GSE1: variants seen among roughly 807,000 people sequenced by gnomAD.
GSE1 encodes the protein Gse1 coiled-coil protein.
A neutral mutation model predicts 112.6 loss-of-function variants in GSE1; 32 were observed. The ratio of observed to expected loss-of-function variants is 0.28; its 90% CI spans 0.21 to 0.38. The LOEUF is 0.38. GSE1 is among the 10% of genes least tolerant of loss of function. GSE1 has a pLI of 1.00. For missense variants in GSE1, 2,348 were observed against 1,699.2 expected, an observed-to-expected ratio of 1.38 and a Z score of -6.71; for synonymous variants, 1,115 against 735.6, an observed-to-expected ratio of 1.52 and a Z score of -8.35.
At chr16:85,638,755 T>G (rs530786475) in intron 2 of GSE1, among the ~76,000 whole-genome samples, 4 of 124,174 alleles carry the variant, frequency 3.2e-5, no homozygotes, top group African/African-American at 1.2e-4. Flanking sequence ...CTCCACCCAC[T>G]GCCACCCCTT....
intron 2 of GSE1, among the ~76,000 whole-genome samples, chr16:85,417,759 C>G (rs145738055): frequency 6.6e-6 from 1 of 152,248 alleles, no homozygotes; most frequent in Non-Finnish European, 1.5e-5. Flanking sequence ...CGTCGCAGGA[C>G]GTGTTACAGT....
At chr16:85,356,451 C>A (rs2046953213) in intron 1 of GSE1, among the ~76,000 whole-genome samples, 1 of 152,184 alleles carries the variant, frequency 6.6e-6, no homozygotes, top group Admixed American at 6.5e-5. Context: ...AGGGTCCCAC[C>A]AGTTCTGTGC....
At position 85,613,349 on chromosome 16, in the gene GSE1, G is replaced by A. The variant is rs903085409; in HGVS notation, c.-43G>A. ...TTTAGACAAACACTGGGCGACGGTGGCTCCAGCATGTATCAGCCGAGGTGG... is the reference window on the plus strand; with the variant it reads ...TTTAGACAAACACTGGGCGACGGTGACTCCAGCATGTATCAGCCGAGGTGG... On this transcript the variant is annotated 5_prime_UTR_variant, in exon 1 of 16. Coordinates refer to ENST00000253458, the MANE Select transcript of GSE1 (RefSeq NM_014615.5). The A allele has an allele frequency of 1.9e-6, 3 of 1,565,388 alleles. No homozygotes were observed. Among genetic ancestry groups the A allele is most frequent in the Non-Finnish European group, 2.6e-6 (3 of 1,155,868 alleles).
At chr16:85,196,471 G>A (rs576289032) in intron 1 of GSE1, among the ~76,000 whole-genome samples, 1 of 152,162 alleles carries the variant, frequency 6.6e-6, no homozygotes, top group Non-Finnish European at 1.5e-5. Context: ...CACAATGAGT[G>A]TGTGTGACTT....
At chr16:85,396,563 C>T (rs901916525) in intron 2 of GSE1, among the ~76,000 whole-genome samples, 1 of 152,264 alleles carries the variant, frequency 6.6e-6, no homozygotes, top group Non-Finnish European at 1.5e-5. Context: ...AGGCAGCTGC[C>T]CACCACCTGG....
chr16:85,672,278 A>C (rs560241764), intron 15 of GSE1, 127 bp from the exon 16 acceptor site: 202 of 702,070 alleles, frequency 2.9e-4, no homozygotes, highest in Admixed American at 1.1e-3. Flanking sequence ...TACAGGCGTG[A>C]GCCACCACGC....
intron 1 of GSE1, among the ~76,000 whole-genome samples, chr16:85,238,762 G>C (rs76987637): frequency 0.011 from 1,729 of 152,216 alleles, 27 homozygotes; most frequent in African/African-American, 0.04. Context: ...GTCAGGATAG[G>C]GGGGCTCCTG....
At chr16:85,434,025 C>G (rs1027262288) in intron 2 of GSE1, among the ~76,000 whole-genome samples, 16 of 152,132 alleles carry the variant, frequency 1.1e-4, no homozygotes, top group African/African-American at 3.9e-4. Context: ...GGGCACAACC[C>G]AAACCTGAGG....
At chr16:85,630,462 C>T (rs986785220) in intron 1 of GSE1, among the ~76,000 whole-genome samples, 36 of 152,072 alleles carry the variant, frequency 2.4e-4, no homozygotes, top group African/African-American at 6.8e-4. Flanking sequence ...TCCCAAACAG[C>T]GGAGATTACA....
intron 1 of GSE1, among the ~76,000 whole-genome samples, chr16:85,271,593 C>A (rs1305791627): frequency 6.6e-6 from 1 of 152,246 alleles, no homozygotes; most frequent in African/African-American, 2.4e-5. Context: ...CGCTGGCTTT[C>A]CTGCTGCTTC....
intron 2 of GSE1, among the ~76,000 whole-genome samples, chr16:85,477,869 G>GT (rs1233296360): frequency 6.6e-6 from 1 of 151,998 alleles, no homozygotes; most frequent in Non-Finnish European, 1.5e-5. Context: ...CTAGGGTTTT[G>GT]TTTTTTCAAA....
intron 2 of GSE1, among the ~76,000 whole-genome samples, chr16:85,645,278 C>A (rs1056858845): frequency 1.3e-5 from 2 of 151,850 alleles, no homozygotes; most frequent in Admixed American, 1.3e-4. Flanking sequence ...TGGGTGGGAG[C>A]GTGATGAGGT....
chr16:85,430,358 C>A (rs750905964), intron 2 of GSE1, among the ~76,000 whole-genome samples: 80 of 152,174 alleles, frequency 5.3e-4, no homozygotes, highest in Admixed American at 3.1e-3. Context: ...CCCGTGCAGT[C>A]CTCATTCCCA....
At chr16:85,662,948 T>A (rs1479870099) in intron 9 of GSE1, 33 bp from the exon 10 acceptor site, 2 of 1,419,156 alleles carry the variant, frequency 1.4e-6, no homozygotes, top group Non-Finnish European at 2.0e-6. Flanking sequence ...TGAAGGCTCT[T>A]TGTCTGGCTG....
chr16:85,216,495 T>C (rs2075308673), intron 1 of GSE1, among the ~76,000 whole-genome samples: 1 of 152,216 alleles, frequency 6.6e-6, no homozygotes, highest in Admixed American at 6.5e-5. Flanking sequence ...TCATAGCTAA[T>C]ATAATATTTT....
intron 2 of GSE1, among the ~76,000 whole-genome samples, chr16:85,477,494 G>A (rs1394115209): frequency 6.6e-6 from 1 of 151,318 alleles, no homozygotes; most frequent in Non-Finnish European, 1.5e-5. Context: ...TGAATGCTGT[G>A]AGCCCCTCCG....
chr16:85,556,836 G>GC (rs1215755777), intron 1 of GSE1, among the ~76,000 whole-genome samples: 2 of 144,466 alleles, frequency 1.4e-5, no homozygotes, highest in Non-Finnish European at 3.1e-5. Context: ...TGGCTCGCCG[G>GC]CCCCCCCGCC....
chr16:85,667,031 A>G (rs2151992873), intron 13 of GSE1, among the ~76,000 whole-genome samples: 1 of 152,376 alleles, frequency 6.6e-6, no homozygotes, highest in East Asian at 1.9e-4. Context: ...CGCAGATACT[A>G]TGCCACTTTA....
chr16:85,435,842 C>T (rs1400757320), intron 2 of GSE1, among the ~76,000 whole-genome samples: 1 of 152,128 alleles, frequency 6.6e-6, no homozygotes, highest in Admixed American at 6.5e-5. Context: ...GTGGGCCCTT[C>T]GGCTGTAGGT....
Sources: allele counts gnomAD v4.1 joint callset (sites outside exome capture counted in the v4.1 genomes callset), GRCh38; gene constraint gnomAD v4.1.1; transcripts MANE v1.5; gene names NCBI Gene and HGNC (gene_info 2026-07-23, HGNC 2026-07-21).